Variants in GPR89B observed in about 807,000 individuals in gnomAD.
GPR89B encodes the protein G protein-coupled receptor 89B.
A neutral mutation model predicts 52.4 loss-of-function variants in GPR89B; 25 were observed. The observed-to-expected ratio is 0.48, with a 90% CI of 0.35 to 0.67. The LOEUF (loss-of-function observed/expected upper bound fraction) is 0.67, where lower values mean the gene tolerates loss of function less well. Ranked by LOEUF, GPR89B falls within the 30% of genes least tolerant of loss-of-function variation. The pLI is 0.01. For synonymous variants in GPR89B, 52 were observed against 151.2 expected, an observed-to-expected ratio of 0.34 and a Z score of 4.81; for missense variants, 146 against 450.2, an observed-to-expected ratio of 0.32 and a Z score of 6.11.
At chr1:148,010,639 G>T in the GPR89B span, 2 of 152,404 alleles carry the variant, frequency 1.3e-5, no homozygotes, top group East Asian at 3.8e-4. Context: ...GAAAGAATTT[G>T]TGATTGTCTC....
chr1:147,949,121 T>C (rs1185516565), intron 5 of GPR89B, among the ~76,000 whole-genome samples: 1 of 152,156 alleles, frequency 6.6e-6, no homozygotes, highest in Non-Finnish European at 1.5e-5. Flanking sequence ...AGAATTTTTC[T>C]TAGTACAGAA....
intron 1 of GPR89B, chr1:147,928,784 C>G (rs1295609632): frequency 2.2e-5 from 10 of 455,716 alleles, no homozygotes; most frequent in Non-Finnish European, 2.9e-5. Context: ...TGCGGCCGTC[C>G]GCGTCCCCAC....
intron 10 of GPR89B, among the ~76,000 whole-genome samples, chr1:147,980,525 CTG>C (rs1442520626): frequency 7.6e-6 from 1 of 131,254 alleles, no homozygotes; most frequent in African/African-American, 3.0e-5. Context: ...CCTGTAGAGA[CTG>C]TTATTTTTTT....
At chr1:147,988,230 G>A (rs1400622561) in intron 11 of GPR89B, among the ~76,000 whole-genome samples, 3 of 151,834 alleles carry the variant, frequency 2.0e-5, no homozygotes, top group Non-Finnish European at 4.4e-5. Context: ...AATTAAGTCT[G>A]CTAATTAAGG....
chr1:147,962,837 C>T (rs1656703399), intron 7 of GPR89B, among the ~76,000 whole-genome samples: 1 of 148,750 alleles, frequency 6.7e-6, no homozygotes, highest in African/African-American at 2.5e-5. Flanking sequence ...GTGGAGGTTG[C>T]AGTGAGCCGA....
intron 10 of GPR89B, among the ~76,000 whole-genome samples, chr1:147,983,657 C>T (rs1192131048): frequency 6.6e-6 from 1 of 151,868 alleles, no homozygotes; most frequent in African/African-American, 2.4e-5. Context: ...GAATGGCAAT[C>T]ATTAAAAAGT....
the GPR89B span, among the ~76,000 whole-genome samples, chr1:147,998,903 G>A: frequency 7.0e-6 from 1 of 143,368 alleles, no homozygotes; most frequent in African/African-American, 2.6e-5. Context: ...AAAAAAAAAT[G>A]AGATTTTATT....
chr1:148,003,091 C>T, the GPR89B span, among the ~76,000 whole-genome samples: 2 of 152,198 alleles, frequency 1.3e-5, no homozygotes, highest in Non-Finnish European at 2.9e-5. Flanking sequence ...GAATTCCTGT[C>T]TGCTTCATAT....
chr1:147,969,714 TGCTG>T, intron 9 of GPR89B, 149 bp from the exon 10 acceptor site: 1 of 941,282 alleles, frequency 1.1e-6, no homozygotes, highest in East Asian at 2.7e-5. Flanking sequence ...ATTCAGTAAA[TGCTG>T]GCCACAACTA....
intron 7 of GPR89B, 71 bp downstream of exon 7, chr1:147,954,473 G>T (rs1240458474): frequency 1.3e-5 from 2 of 157,134 alleles, no homozygotes; most frequent in Admixed American, 1.3e-4. Context: ...CTGTGAATTG[G>T]TGCTGGCAGG....
At chr1:147,934,379 G>A (rs1254599446) in intron 1 of GPR89B, among the ~76,000 whole-genome samples, 2 of 152,026 alleles carry the variant, frequency 1.3e-5, no homozygotes, top group African/African-American at 2.4e-5. Flanking sequence ...GTTTCACCAC[G>A]TTGCCCAAGC....
intron 7 of GPR89B, among the ~76,000 whole-genome samples, chr1:147,957,635 GTTA>G (rs1656212577): frequency 6.6e-6 from 1 of 151,524 alleles, no homozygotes; most frequent in Admixed American, 6.6e-5. Flanking sequence ...CTTTATTAAA[GTTA>G]TTATTACCCA....
intron 7 of GPR89B, among the ~76,000 whole-genome samples, chr1:147,958,109 G>T (rs1379833759): frequency 1.3e-5 from 2 of 151,954 alleles, no homozygotes; most frequent in Non-Finnish European, 2.9e-5. Flanking sequence ...CAGGTTCACT[G>T]ACTAATTATT....
At chr1:147,987,222 A>C (rs1323076267) in intron 11 of GPR89B, among the ~76,000 whole-genome samples, 3 of 152,232 alleles carry the variant, frequency 2.0e-5, no homozygotes, top group Non-Finnish European at 4.4e-5. Flanking sequence ...TATAAATTAT[A>C]TTAAGTATGC....
intron 7 of GPR89B, among the ~76,000 whole-genome samples, chr1:147,955,246 A>G (rs1446954958): frequency 2.6e-5 from 4 of 151,978 alleles, no homozygotes; most frequent in African/African-American, 9.7e-5. Context: ...TTCCTTCCTT[A>G]AGGCTGAATA....
At chr1:147,971,721 G>C (rs1932482) in intron 10 of GPR89B, among the ~76,000 whole-genome samples, 4 of 143,676 alleles carry the variant, frequency 2.8e-5, no homozygotes, top group African/African-American at 1.0e-4. Flanking sequence ...ACCTTGTGAT[G>C]CGCCTGCCTC....
At chr1:147,955,240 TTCC>T (rs1656032403) in intron 7 of GPR89B, among the ~76,000 whole-genome samples, 2 of 152,046 alleles carry the variant, frequency 1.3e-5, no homozygotes, top group East Asian at 1.9e-4. Flanking sequence ...AAGAATTTCC[TTCC>T]TTAAGGCTGA....
chr1:147,934,322 A>G (rs1183767311), intron 1 of GPR89B, among the ~76,000 whole-genome samples: 1 of 152,154 alleles, frequency 6.6e-6, no homozygotes, highest in Non-Finnish European at 1.5e-5. Flanking sequence ...AACTACAGGC[A>G]TGCACCACCA....
At chr1:147,949,015 A>G (rs12405880) in intron 5 of GPR89B, among the ~76,000 whole-genome samples, 3 of 152,174 alleles carry the variant, frequency 2.0e-5, no homozygotes, top group East Asian at 3.9e-4. Context: ...ATCTTGCACC[A>G]CCATTAATCC....
Sources: gnomAD v4.1 joint callset for allele counts (sites outside exome capture counted in the v4.1 genomes callset) on GRCh38, gnomAD v4.1.1 for gene constraint, MANE v1.5 for transcripts, NCBI Gene and HGNC (gene_info 2026-07-23, HGNC 2026-07-21) for gene names.